LSAMP: variants seen among roughly 807,000 people sequenced by gnomAD.
LSAMP encodes limbic system-associated membrane protein.
Under a neutral mutation model 38.6 loss-of-function variants are expected in LSAMP, and 7 were observed. That is an observed-to-expected ratio of 0.18 (90% confidence interval 0.10 to 0.34). The LOEUF is 0.34. Among genes scored for constraint, LSAMP ranks in the 10% least tolerant of loss-of-function variants. The probability of loss-of-function intolerance (pLI) is 1.00; values close to 1 mark genes in which losing one functional copy is unlikely to be tolerated. For missense variants in LSAMP, 313 were observed against 420.0 expected, an observed-to-expected ratio of 0.75 and a Z score of 2.23; for synonymous variants, 154 against 166.8, an observed-to-expected ratio of 0.92 and a Z score of 0.59.
At chr3:116,180,899 T>C (rs550934319) in intron 1 of LSAMP, among the ~76,000 whole-genome samples, 87 of 152,146 alleles carry the variant, frequency 5.7e-4, no homozygotes, top group Non-Finnish European at 1.1e-3. Context: ...TTAACATGGG[T>C]TAGGTGATTC....
rs2048221258 is a variant in LSAMP at position 116,356,175 on chromosome 3, AATCT to A, written c.155+88698_155+88701del. ...TTCACAATAGTCAAGATTTGCAAGC[AATCT>A]AAGTGTCCATCAACAGACAAGTAGA... On this transcript the variant is annotated intron_variant, in intron 1 of 6. Coordinates refer to ENST00000490035, the MANE Select transcript of LSAMP (RefSeq NM_002338.5). Among the ~76,000 whole-genome samples, 3 of 152,242 alleles carry A rather than the reference AATCT, an allele frequency of 2.0e-5. No homozygotes were observed. The South Asian group carries it at 6.2e-4, about 31-fold the overall frequency.
chr3:116,347,189 T>C (rs995672281), intron 1 of LSAMP, among the ~76,000 whole-genome samples: 1 of 152,192 alleles, frequency 6.6e-6, no homozygotes, highest in African/African-American at 2.4e-5. Context: ...ACCAAAGTCA[T>C]AATAATAACA....
intron 6 of LSAMP, among the ~76,000 whole-genome samples, chr3:115,839,274 C>CTTCCTTCA (rs1553738463): frequency 8.7e-6 from 1 of 115,366 alleles, no homozygotes; most frequent in South Asian, 2.8e-4. Context: ...TCCTTCCTTC[C>CTTCCTTCA]TTCCTTCCTT....
intron 1 of LSAMP, among the ~76,000 whole-genome samples, chr3:116,177,637 G>A (rs537203812): frequency 6.6e-6 from 1 of 152,248 alleles, no homozygotes; most frequent in South Asian, 2.1e-4. Flanking sequence ...ATCCAAGGAT[G>A]AGAAGTATAA....
At chr3:116,222,265 TCAAAAA>T in intron 1 of LSAMP, among the ~76,000 whole-genome samples, 1 of 137,372 alleles carries the variant, frequency 7.3e-6, no homozygotes, top group East Asian at 2.0e-4. Flanking sequence ...TTTTATGACT[TCAAAAA>T]AAAAAAAAAC....
At position 116,152,399 on chromosome 3, in the gene LSAMP, C is replaced by T. The variant is rs530198652; in HGVS notation, c.156-65843G>A. 2.0e-4 allele frequency among the ~76,000 whole-genome samples: 31 copies of T among 152,214 alleles called. 1 individual carries two copies. In the South Asian group the frequency reaches 6.0e-3, roughly 30 times the overall value. ...GCTAAGGAATGTGCAGAAAGTCACA[C>T]AGCTAGTCAGTGGTGGAGCTGGGGT... On this transcript the variant is annotated intron_variant, in intron 1 of 6. Coordinates refer to ENST00000490035, the MANE Select transcript of LSAMP (RefSeq NM_002338.5).
intron 3 of LSAMP, among the ~76,000 whole-genome samples, chr3:115,979,644 T>C (rs1267404200): frequency 5.3e-5 from 8 of 152,064 alleles, no homozygotes; most frequent in African/African-American, 1.4e-4. Context: ...GGATTGAACT[T>C]CCAAGGGAGA....
At chr3:115,933,522 T>C (rs1019917819) in intron 3 of LSAMP, among the ~76,000 whole-genome samples, 4 of 152,152 alleles carry the variant, frequency 2.6e-5, no homozygotes, top group African/African-American at 9.7e-5. Context: ...AGAAGTTCTA[T>C]TGGCCATGTT....
At chr3:116,049,127 G>T (rs1941345531) in intron 2 of LSAMP, among the ~76,000 whole-genome samples, 1 of 152,168 alleles carries the variant, frequency 6.6e-6, no homozygotes, top group Non-Finnish European at 1.5e-5. Flanking sequence ...CTCAACCAGA[G>T]CTTGAAGCCA....
intron 1 of LSAMP, among the ~76,000 whole-genome samples, chr3:116,353,569 A>G (rs2048179057): frequency 6.6e-6 from 1 of 152,094 alleles, no homozygotes; most frequent in Non-Finnish European, 1.5e-5. Flanking sequence ...AGTACACTCC[A>G]TAATTCTGTA....
At chr3:116,329,884 TA>T (rs377539156) in intron 1 of LSAMP, among the ~76,000 whole-genome samples, 170 of 151,992 alleles carry the variant, frequency 1.1e-3, no homozygotes, top group Non-Finnish European at 1.4e-3. Flanking sequence ...TGAAAGGGTT[TA>T]AAAAAAATAC....
At chr3:115,963,101 C>T (rs1035075159) in intron 3 of LSAMP, among the ~76,000 whole-genome samples, 2 of 152,036 alleles carry the variant, frequency 1.3e-5, no homozygotes, top group Non-Finnish European at 2.9e-5. Context: ...ATTTTCTGTC[C>T]TAAAAGTTTC....
chr3:116,189,684 A>G (rs564620537), intron 1 of LSAMP, among the ~76,000 whole-genome samples: 1 of 152,140 alleles, frequency 6.6e-6, no homozygotes, highest in Non-Finnish European at 1.5e-5. Context: ...TAAGTGGCCT[A>G]TATCATTACA....
At chr3:116,043,932 C>G (rs186100810) in intron 2 of LSAMP, among the ~76,000 whole-genome samples, 1 of 152,298 alleles carries the variant, frequency 6.6e-6, no homozygotes, top group East Asian at 1.9e-4. Context: ...GGCGAAAGAG[C>G]GAGACTCCGT....
At chr3:116,382,969 C>T (rs779626978) in intron 1 of LSAMP, among the ~76,000 whole-genome samples, 27 of 152,226 alleles carry the variant, frequency 1.8e-4, no homozygotes, top group South Asian at 4.1e-4. Flanking sequence ...TTGTTCTGTC[C>T]ATAAATGTTA....
chr3:115,987,732 G>A (rs923113123), intron 3 of LSAMP, among the ~76,000 whole-genome samples: 1 of 152,094 alleles, frequency 6.6e-6, no homozygotes, highest in Non-Finnish European at 1.5e-5. Flanking sequence ...AGGACTTATT[G>A]TATATACTGA....
chr3:115,982,903 C>T (rs544136447), intron 3 of LSAMP, among the ~76,000 whole-genome samples: 41 of 146,862 alleles, frequency 2.8e-4, no homozygotes, highest in Admixed American at 2.0e-3. Context: ...CTCTTTTCTC[C>T]GTCTTAACCA....
intron 1 of LSAMP, among the ~76,000 whole-genome samples, chr3:116,204,194 GTCT>G (rs2046031345): frequency 6.6e-6 from 1 of 151,758 alleles, no homozygotes; most frequent in African/African-American, 2.4e-5. Context: ...CTGCATAAAT[GTCT>G]TCTTTTGAGA....
At chr3:115,813,142 TTAA>T (rs1409988597) in intron 6 of LSAMP, among the ~76,000 whole-genome samples, 3 of 152,234 alleles carry the variant, frequency 2.0e-5, no homozygotes, top group Middle Eastern at 3.4e-3. Context: ...TATAACTATG[TTAA>T]TAATCTTTAA....
Sources: gnomAD v4.1 joint callset for allele counts (sites outside exome capture counted in the v4.1 genomes callset) on GRCh38, gnomAD v4.1.1 for gene constraint, MANE v1.5 for transcripts, NCBI Gene and HGNC (gene_info 2026-07-23, HGNC 2026-07-21) for gene names.